Variants in EMP2 observed in about 807,000 individuals in gnomAD.
EMP2 encodes epithelial membrane protein 2.
A neutral mutation model predicts 13.7 loss-of-function variants in EMP2; 19 were observed. That is an observed-to-expected ratio of 1.38 (90% CI 0.97 to 2.03). The LOEUF is 2.03. EMP2 is among the 30% of genes most tolerant of loss of function. EMP2 has a pLI of 0.00. For synonymous variants in EMP2, 97 were observed against 84.7 expected (o/e 1.15, Z -0.80); for missense variants, 253 against 220.7 (o/e 1.15, Z -0.93).
intron 1 of EMP2, among the ~76,000 whole-genome samples, chr16:10,551,768 A>G (rs2142188236): frequency 6.6e-6 from 1 of 152,228 alleles, no homozygotes; most frequent in African/African-American, 2.4e-5. Flanking sequence ...CCTCTAGTGG[A>G]CATGCACTGA....
chr16:10,550,803 T>C (rs951122913), intron 1 of EMP2, among the ~76,000 whole-genome samples: 14 of 152,068 alleles, frequency 9.2e-5, no homozygotes, highest in South Asian at 4.1e-4. Context: ...AGTGAAACCC[T>C]GTCTCTACTA....
chr16:10,576,821 G>A (rs1567212315), intron 1 of EMP2: 2 of 152,224 alleles, frequency 1.3e-5, no homozygotes, highest in African/African-American at 4.8e-5. Flanking sequence ...GAAGGAGGGA[G>A]GGACTCATTT....
chr16:10,552,980 G>A (rs766835096), intron 1 of EMP2, among the ~76,000 whole-genome samples: 1 of 152,174 alleles, frequency 6.6e-6, no homozygotes, highest in Non-Finnish European at 1.5e-5. Flanking sequence ...TAGGCACTCC[G>A]AAAAACAACA....
intron 3 of EMP2, among the ~76,000 whole-genome samples, chr16:10,540,713 T>C (rs1277091322): frequency 6.6e-6 from 1 of 152,096 alleles, no homozygotes; most frequent in Non-Finnish European, 1.5e-5. Flanking sequence ...GATAACATCA[T>C]TGGGCTTTCC....
chr16:10,576,756 A>G (rs1017513970), intron 1 of EMP2: 9 of 152,114 alleles, frequency 5.9e-5, no homozygotes, highest in African/African-American at 2.2e-4. Context: ...TTTAGCAGCT[A>G]CTCATTAAGC....
intron 3 of EMP2, 124 bp from the exon 4 acceptor site, chr16:10,538,198 G>T: frequency 8.3e-7 from 1 of 1,199,704 alleles, no homozygotes; most frequent in Non-Finnish European, 1.2e-6. Context: ...GGTTCAGGCG[G>T]TCGTCTACAT....
At chr16:10,566,976 T>C (rs2142205414) in intron 1 of EMP2, among the ~76,000 whole-genome samples, 1 of 152,306 alleles carries the variant, frequency 6.6e-6, no homozygotes. Flanking sequence ...TCCCTCTTTC[T>C]GGAATGTTCT....
intron 1 of EMP2, among the ~76,000 whole-genome samples, chr16:10,556,788 A>G (rs370686182): frequency 6.6e-5 from 10 of 152,236 alleles, no homozygotes; most frequent in African/African-American, 1.9e-4. Flanking sequence ...TGATTTGCCA[A>G]AATTCACAGG....
intron 4 of EMP2, among the ~76,000 whole-genome samples, chr16:10,533,862 C>T (rs1054230863): frequency 3.9e-5 from 6 of 152,056 alleles, no homozygotes; most frequent in Non-Finnish European, 8.8e-5. Flanking sequence ...GCCTGTAATC[C>T]CAGCACTTTG....
intron 1 of EMP2, among the ~76,000 whole-genome samples, chr16:10,549,028 G>C (rs2050761552): frequency 6.6e-6 from 1 of 152,244 alleles, no homozygotes; most frequent in African/African-American, 2.4e-5. Flanking sequence ...GGCTGATGCA[G>C]AAGAGAGCAG....
At chr16:10,568,341 CACCAAT>C (rs2050923201) in intron 1 of EMP2, among the ~76,000 whole-genome samples, 1 of 152,248 alleles carries the variant, frequency 6.6e-6, no homozygotes, top group African/African-American at 2.4e-5. Context: ...ATAGCATATA[CACCAAT>C]ATATGTATTT....
At chr16:10,540,243 C>T (rs540562908) in intron 3 of EMP2, among the ~76,000 whole-genome samples, 298 of 152,268 alleles carry the variant, frequency 2.0e-3, no homozygotes, top group African/African-American at 6.9e-3. Flanking sequence ...TGGTGACTCA[C>T]GCCTGTAATC....
At position 10,547,418 on chromosome 16, in the gene EMP2, C is replaced by T; in HGVS notation, c.78+122G>A. 7.4e-6 allele frequency: 8 copies of T among 1,077,196 alleles called. 1 individual carries two copies. The South Asian group carries it at 1.3e-4, about 18-fold the overall frequency. 66.7% of individuals were successfully genotyped at this position (1,077,196 alleles called of 1,614,324 possible). On this transcript the variant is annotated intron_variant, in intron 2 of 4. Coordinates refer to ENST00000359543, the MANE Select transcript of EMP2 (RefSeq NM_001424.6). The stretch of plus-strand genomic sequence containing the variant: ...TTGTGAGTCCATTAGACCTCATTTT[C>T]CTTATAAATTACCTAGTCTCTGGTA...
Position 10,531,334 on chromosome 16 carries a change from CT to C in EMP2, c.*1570del, listed in dbSNP as rs960552631. 5 of 151,844 alleles carry C rather than the reference CT, an allele frequency of 3.3e-5. No homozygotes were observed. Among genetic ancestry groups the C allele is most frequent in the Admixed American group, 6.6e-5 (1 of 15,092 alleles). The allele number at this position is 151,844 out of a possible 1,614,324, so 9.4% of individuals were successfully genotyped here. ...TCACAGTGTGTAATTAGTTTCTTTT[CT>C]TTTTTTTCTTTTTTTGAGATGGAGT... On this transcript the variant is annotated 3_prime_UTR_variant, in exon 5 of 5. Coordinates refer to ENST00000359543, the MANE Select transcript of EMP2 (RefSeq NM_001424.6).
intron 1 of EMP2, among the ~76,000 whole-genome samples, chr16:10,570,811 G>T (rs2050941859): frequency 6.6e-6 from 1 of 152,156 alleles, no homozygotes; most frequent in African/African-American, 2.4e-5. Context: ...AAAGTGCTGG[G>T]ATTATAGGCA....
chr16:10,533,413 T>C (rs12596251), intron 4 of EMP2, among the ~76,000 whole-genome samples: 13,785 of 152,262 alleles, frequency 0.091, 804 homozygotes, highest in South Asian at 0.14. Flanking sequence ...GGAAGGATAT[T>C]GTCACCTACC....
At chr16:10,541,133 G>C (rs1402070583) in intron 3 of EMP2, among the ~76,000 whole-genome samples, 1 of 151,902 alleles carries the variant, frequency 6.6e-6, no homozygotes, top group Non-Finnish European at 1.5e-5. Context: ...TGAGTGCAGA[G>C]GCTCATGCCT....
intron 3 of EMP2, among the ~76,000 whole-genome samples, 171 bp from the exon 4 acceptor site, chr16:10,538,245 C>A (rs2050666320): frequency 6.6e-6 from 1 of 152,186 alleles, no homozygotes; most frequent in Admixed American, 6.5e-5. Flanking sequence ...GTCTTCCAGA[C>A]CCCCTGCCCC....
chr16:10,559,981 T>C lies in EMP2; in HGVS notation c.-60-12304A>G, dbSNP rs144072704. 2.5e-4 allele frequency among the ~76,000 whole-genome samples: 38 copies of C among 152,272 alleles called. No homozygotes were observed. In the East Asian group the frequency reaches 6.9e-3, roughly 28 times the overall value. On this transcript the variant is annotated intron_variant, in intron 1 of 4. Transcript: ENST00000359543. ...TGAGCCACCGTGCCCAGCAGCCTTG[T>C]TTTACAGGTAAAGAAAATAAGGCCC...
Sources: gnomAD v4.1 joint callset for allele counts (sites outside exome capture counted in the v4.1 genomes callset) on GRCh38, gnomAD v4.1.1 for gene constraint, MANE v1.5 for transcripts, NCBI Gene and HGNC (gene_info 2026-07-23, HGNC 2026-07-21) for gene names.